MACF1: variants seen among roughly 807,000 people sequenced by gnomAD.
MACF1 encodes microtubule-actin cross-linking factor 1.
In MACF1, 193 loss-of-function variants were observed where a neutral mutation model predicts 854.8. The observed-to-expected ratio is 0.23, with a 90% CI of 0.20 to 0.25. The LOEUF (loss-of-function observed/expected upper bound fraction) is 0.25, where lower values mean the gene tolerates loss of function less well. MACF1 is among the 10% of genes least tolerant of loss of function. The probability of loss-of-function intolerance (pLI) is 1.00; values close to 1 mark genes in which losing one functional copy is unlikely to be tolerated. For synonymous variants in MACF1, 3,185 were observed against 3,226.7 expected (o/e 0.99, Z 0.44); for missense variants, 7,722 against 8,929.1 (o/e 0.86, Z 5.45).
intron 41 of MACF1, among the ~76,000 whole-genome samples, chr1:39,348,884 TCTTGGGCA>T (rs989972139): frequency 1.3e-5 from 2 of 152,178 alleles, no homozygotes; most frequent in Non-Finnish European, 2.9e-5. Context: ...CAGTTGCTAT[TCTTGGGCA>T]CTTTCCTTCT....
In MACF1 at chr1:39,275,298, G is replaced by A. The variant is rs1038048131; in HGVS notation, c.529-6910G>A. 3.3e-5 allele frequency among the ~76,000 whole-genome samples: 5 copies of A among 152,014 alleles called. No individual in the cohort carries two copies. The East Asian group carries it at 9.6e-4, about 29-fold the overall frequency. On this transcript the variant is annotated intron_variant, in intron 6 of 100. Coordinates refer to ENST00000564288, the MANE Select transcript of MACF1 (RefSeq NM_001394062.1). ...GGGGTTTCACTGTGTTAGCCAGGAT[G>A]GTCTTGATCTCTTGACTTCGTGACC... is the stretch of plus-strand genomic sequence containing the variant.
In MACF1 at chr1:39,102,909, TC is replaced by T. The variant is rs902404003; in HGVS notation, c.220+18477del. ...CCCTTCATAGACTTCCTTCTTCCCA[TC>T]CCCCCTGGCAGCCGCTTTGTTCCTC... On this transcript the variant is annotated intron_variant, in intron 2 of 93. Transcript: ENST00000361689. The T allele has an allele frequency of 3.4e-5, 24 of 702,034 alleles. 1 individual carries two copies. Among genetic ancestry groups the T allele is most frequent in the Admixed American group, 2.2e-4 (11 of 49,960 alleles). 43.5% of individuals were successfully genotyped at this position (702,034 alleles called of 1,614,324 possible). A position where few individuals can be genotyped will look rare whatever the true frequency, so the allele number is the denominator to read the frequency against.
At chr1:39,367,829 G>A (rs753115340) in intron 49 of MACF1, among the ~76,000 whole-genome samples, 3 of 151,944 alleles carry the variant, frequency 2.0e-5, no homozygotes, top group Non-Finnish European at 2.9e-5. Flanking sequence ...AATTAGCTGG[G>A]CATGGTGGCA....
At chr1:39,435,925 G>C in intron 70 of MACF1, 164 bp downstream of exon 70, 1 of 622,080 alleles carries the variant, frequency 1.6e-6, no homozygotes, top group South Asian at 2.1e-5. Context: ...TTTATTCCAA[G>C]GAACATTGGC....
At chr1:39,359,964 G>T (rs1159623745) in intron 47 of MACF1, among the ~76,000 whole-genome samples, 1 of 116,564 alleles carries the variant, frequency 8.6e-6, no homozygotes, top group Non-Finnish European at 1.6e-5. Context: ...TCCAGCCTGG[G>T]CGACACAGCA....
Position 39,105,581 on chromosome 1 carries a change from C to A in MACF1, c.220+21143C>A. ...GCCGCCTCAGCGCGCGGGCCTGGAACCGGCAGCCCCCGGGGCTCGGCGAGA... is the reference window on the plus strand; with the variant it reads ...GCCGCCTCAGCGCGCGGGCCTGGAAACGGCAGCCCCCGGGGCTCGGCGAGA... On this transcript the variant is annotated intron_variant, in intron 2 of 93. Coordinates refer to the MACF1 transcript ENST00000361689. This position sits in a 1 kb window ranked among gnomAD's most constrained non-coding sequence, Gnocchi z 5.9. 1 of 1,187,692 alleles carries A rather than the reference C, an allele frequency of 8.4e-7. No individual in the cohort carries two copies. The highest frequency in any genetic ancestry group is 1.1e-6 in the Non-Finnish European group (1 of 937,530). 73.6% of individuals were successfully genotyped at this position (1,187,692 alleles called of 1,614,324 possible).
Position 39,456,101 on chromosome 1 carries a change from A to AG in MACF1, c.21075+1010dup, listed in dbSNP as rs530863536. ...GTAATCCCAGCACTTTGGGAGGCCA[A>AG]GGGGGGCAGATCACTTGAGGTGAAG... On this transcript the variant is annotated intron_variant, in intron 89 of 100. Transcript: ENST00000564288. Among the ~76,000 whole-genome samples the AG allele has an allele frequency of 2.0e-3, 307 of 152,314 alleles. 2 individuals carry two copies. Among genetic ancestry groups the AG allele is most frequent in the African/African-American group, 6.9e-3 (288 of 41,558 alleles).
intron 2 of MACF1, among the ~76,000 whole-genome samples, chr1:39,156,502 C>T (rs994577371): frequency 2.0e-5 from 3 of 152,060 alleles, no homozygotes; most frequent in Admixed American, 1.3e-4. Context: ...GCCTGTAGTC[C>T]CAGCTACTTG....
chr1:39,203,968 A>G (rs887856180), upstream of MACF1, among the ~76,000 whole-genome samples: 9 of 151,992 alleles, frequency 5.9e-5, no homozygotes, highest in African/African-American at 2.2e-4. Flanking sequence ...CCTAGGAGTG[A>G]GATTGCTGGG....
rs144844638 is a variant in MACF1, at chr1:39,332,847, G to C, written c.6259G>C (p.Glu2087Gln). 1.9e-4 allele frequency: 307 copies of C among 1,613,976 alleles called. No individual in the cohort carries two copies. Among genetic ancestry groups the C allele is most frequent in the Admixed American group, 2.7e-4 (16 of 59,978 alleles). Residue 2087 changes from glutamate (E) to glutamine (Q), a missense_variant, in exon 37 of 101, where the codon GAG becomes CAG. By Grantham distance (29) the Glu-to-Gln change is conservative. Transcript: ENST00000564288. ...ACAGGATCTGTTTGTAGAACAAAAA[G>C]AGAGAAATCCAAACATTGATGCTTT... The part of the protein sequence containing the change: ...PEQDLFVEQK[E>Q]RNPNIDALKV...
chr1:39,445,017 A>C lies in MACF1; in HGVS notation c.19605+182A>C, dbSNP rs571025764. 3.3e-5 allele frequency among the ~76,000 whole-genome samples: 5 copies of C among 152,262 alleles called. No individual in the cohort carries two copies. In the South Asian group the frequency reaches 1.0e-3, roughly 32 times the overall value. ...GTTTCTGTTGTTATTTGCTTTTATAATTATTCATTCCTTACCTGTTAAGAC... is the reference window on the plus strand; with the variant it reads ...GTTTCTGTTGTTATTTGCTTTTATACTTATTCATTCCTTACCTGTTAAGAC... On this transcript the variant is annotated intron_variant, in intron 80 of 100. Coordinates refer to ENST00000564288, the MANE Select transcript of MACF1 (RefSeq NM_001394062.1).
intron 2 of MACF1, among the ~76,000 whole-genome samples, chr1:39,180,368 C>A (rs1332731639): frequency 6.6e-6 from 1 of 152,090 alleles, no homozygotes; most frequent in African/African-American, 2.4e-5. Context: ...GTAATCCCAG[C>A]ACTTTGGGAG....
At chr1:39,259,826 C>T (rs1479991840) in intron 6 of MACF1, among the ~76,000 whole-genome samples, 1 of 151,980 alleles carries the variant, frequency 6.6e-6, no homozygotes, top group African/African-American at 2.4e-5. Flanking sequence ...CCATGTTGGT[C>T]AGGCTGGTCT....
At chr1:39,210,638 C>T (rs34148180) in intron 1 of MACF1, among the ~76,000 whole-genome samples, 1 of 152,124 alleles carries the variant, frequency 6.6e-6, no homozygotes, top group Non-Finnish European at 1.5e-5. Flanking sequence ...CTTACTTCCT[C>T]TGGTCTTCAA....
At position 39,385,760 on chromosome 1, in the gene MACF1, G is replaced by A. The variant is rs1650637915; in HGVS notation, c.14175G>A (p.Glu4725=). 1.9e-6 allele frequency: 3 copies of A among 1,614,148 alleles called. No homozygotes were observed. The highest frequency in any genetic ancestry group is 1.7e-5 in the Admixed American group (1 of 60,016). The change falls in exon 57 of 101, where the codon GAG becomes GAA. Residue 4725 remains glutamate, a synonymous_variant. Coordinates refer to ENST00000564288, the MANE Select transcript of MACF1 (RefSeq NM_001394062.1). ...QPEAVKQQLE[E]TSEIRSDLEQ... Reference sequence around the variant, plus strand: ...AGGCTGTAAAGCAGCAATTGGAAGAGACCAGTGAAATTCGATCTGACTTGG... The same window carrying A: ...AGGCTGTAAAGCAGCAATTGGAAGAAACCAGTGAAATTCGATCTGACTTGG...
chr1:39,458,700 G>A (rs757109032), intron 90 of MACF1: 26 of 619,220 alleles, frequency 4.2e-5, no homozygotes, highest in African/African-American at 2.0e-4. Flanking sequence ...ATGAAATTAC[G>A]AGGTGGTTAA....
chr1:39,414,566 T>C, intron 58 of MACF1: 1 of 1,562,188 alleles, frequency 6.4e-7, no homozygotes, highest in Non-Finnish European at 8.7e-7. Context: ...ATGGCACAGA[T>C]AGTTCTTTTG....
At chr1:39,305,817 C>A (rs1646162101) in intron 23 of MACF1, among the ~76,000 whole-genome samples, 1 of 152,220 alleles carries the variant, frequency 6.6e-6, no homozygotes, top group South Asian at 2.1e-4. Flanking sequence ...GGCCTTTGGA[C>A]TTCCTGCTTG....
intron 2 of MACF1, among the ~76,000 whole-genome samples, chr1:39,126,886 T>G (rs1642873468): frequency 3.3e-5 from 5 of 152,182 alleles, no homozygotes; most frequent in Admixed American, 3.3e-4. Flanking sequence ...GAAATTAACT[T>G]TCTTTGGTCT....
Sources: allele counts gnomAD v4.1 joint callset (sites outside exome capture counted in the v4.1 genomes callset), GRCh38; gene constraint gnomAD v4.1.1; non-coding constraint Gnocchi (gnomAD v3.1); transcripts MANE v1.5; gene names NCBI Gene and HGNC (gene_info 2026-07-23, HGNC 2026-07-21).